NWD2: variants seen among roughly 807,000 people sequenced by gnomAD.
The protein encoded by NWD2 is NACHT and WD repeat domain-containing protein 2.
NWD2 carries 37 observed loss-of-function variants against 132.7 expected under a neutral mutation model. That is an observed-to-expected ratio of 0.28 (90% CI 0.21 to 0.37). NWD2 has a LOEUF of 0.37. NWD2 is among the 10% of genes least tolerant of loss of function. The pLI, the probability that NWD2 is intolerant of heterozygous loss-of-function variation, is 1.00. For missense variants in NWD2, 1,592 were observed against 2,122.4 expected, an observed-to-expected ratio of 0.75 and a Z score of 4.91; for synonymous variants, 705 against 803.0, an observed-to-expected ratio of 0.88 and a Z score of 2.06.
At chr4:37,328,265 C>T (rs949515891) in intron 2 of NWD2, among the ~76,000 whole-genome samples, 1 of 152,070 alleles carries the variant, frequency 6.6e-6, no homozygotes, top group African/African-American at 2.4e-5. Flanking sequence ...TATTATTACA[C>T]TTTAAGTTCT....
intron 3 of NWD2, among the ~76,000 whole-genome samples, chr4:37,419,213 C>A (rs559039392): frequency 6.6e-6 from 1 of 152,236 alleles, no homozygotes; most frequent in South Asian, 2.1e-4. Context: ...AAAACTGAAA[C>A]TGGACCCCTT....
chr4:37,276,860 C>T (rs1718026827), intron 1 of NWD2, among the ~76,000 whole-genome samples: 1 of 152,054 alleles, frequency 6.6e-6, no homozygotes, highest in Non-Finnish European at 1.5e-5. Flanking sequence ...TGGAAACCAT[C>T]ATTCTCAGCA....
intron 1 of NWD2, among the ~76,000 whole-genome samples, chr4:37,306,220 CTT>C (rs1718705603): frequency 6.6e-6 from 1 of 152,038 alleles, no homozygotes; most frequent in Non-Finnish European, 1.5e-5. Flanking sequence ...TGAGTCTTCT[CTT>C]TTTATTCTTA....
intron 3 of NWD2, among the ~76,000 whole-genome samples, chr4:37,376,829 A>G (rs1430093703): frequency 2.0e-5 from 3 of 152,138 alleles, no homozygotes; most frequent in Non-Finnish European, 2.9e-5. Flanking sequence ...GTTTTGCATG[A>G]CCTTATTATT....
chr4:37,339,954 G>GT (rs3028269), intron 2 of NWD2, among the ~76,000 whole-genome samples: 5,885 of 126,532 alleles, frequency 0.047, 173 homozygotes, highest in East Asian at 0.14. Context: ...GTTTCTGGTT[G>GT]TTTTTTTTTT....
At chr4:37,317,254 G>T (rs1333142518) in intron 1 of NWD2, among the ~76,000 whole-genome samples, 1 of 152,192 alleles carries the variant, frequency 6.6e-6, no homozygotes, top group Non-Finnish European at 1.5e-5. Flanking sequence ...AGTCAGCCAG[G>T]AATGTGTAAA....
At chr4:37,340,632 TG>T (rs1719501553) in intron 2 of NWD2, among the ~76,000 whole-genome samples, 1 of 152,174 alleles carries the variant, frequency 6.6e-6, no homozygotes, top group Non-Finnish European at 1.5e-5. Context: ...AGAAGGCCTG[TG>T]GAGGAGTTGA....
Position 37,443,835 on chromosome 4 carries a change from C to T in NWD2, c.1847C>T (p.Thr616Ile). Residue 616 changes from threonine (T) to isoleucine (I), a missense_variant, in exon 7 of 7, where the codon ACC becomes ATC. By Grantham distance (89) the Thr-to-Ile change is moderately conservative. This residue lies in a region of NWD2 where 1,071 missense variants were observed against 1,398.0 expected (regional missense o/e 0.77). Coordinates refer to ENST00000309447, the MANE Select transcript of NWD2 (RefSeq NM_001144990.2). This position sits in a 1 kb window ranked among gnomAD's most constrained non-coding sequence, Gnocchi z 4.1. Reference protein sequence around the residue: ...KCTLPMFVNLTFREVRHWRSH... With the variant: ...KCTLPMFVNLIFREVRHWRSH... ...ACACTGCCAATGTTTGTGAACCTGA[C>T]CTTCAGGGAGGTGAGGCACTGGAGA... is the stretch of plus-strand genomic sequence containing the variant. The T allele has an allele frequency of 6.4e-7, 1 of 1,552,156 alleles. No individual in the cohort carries two copies. Among genetic ancestry groups the T allele is most frequent in the Non-Finnish European group, 8.7e-7 (1 of 1,147,092 alleles).
intron 2 of NWD2, among the ~76,000 whole-genome samples, chr4:37,340,389 C>G (rs1158916464): frequency 6.6e-6 from 1 of 152,204 alleles, no homozygotes; most frequent in Non-Finnish European, 1.5e-5. Context: ...GGTAGTTTCT[C>G]CCCTGAGCCT....
chr4:37,415,149 A>G (rs1318061017), intron 3 of NWD2, among the ~76,000 whole-genome samples: 2 of 152,230 alleles, frequency 1.3e-5, no homozygotes, highest in Non-Finnish European at 2.9e-5. Context: ...AAAGGGATAA[A>G]TGGGCTATTT....
intron 3 of NWD2, among the ~76,000 whole-genome samples, chr4:37,372,641 A>G (rs1720252435): frequency 6.6e-6 from 1 of 152,190 alleles, no homozygotes; most frequent in African/African-American, 2.4e-5. Flanking sequence ...TTGTTTTCAT[A>G]TATATCAAGG....
In NWD2 at chr4:37,443,702, C is replaced by T. The variant is rs1712548872; in HGVS notation, c.1714C>T (p.Arg572Ter). The change falls in exon 7 of 7, where the codon CGA (arginine) becomes TGA (stop). Residue 572 changes from arginine (R) to a stop codon, truncating the protein, a stop_gained. Coordinates refer to ENST00000309447, the MANE Select transcript of NWD2 (RefSeq NM_001144990.2). LOFTEE classifies it high-confidence loss of function. This position sits in a 1 kb window ranked among gnomAD's most constrained non-coding sequence, Gnocchi z 4.1. ...EEDNYIELIP[R>*]DRKMCSQVLK... ...AGACAACTACATCGAGCTGATTCCC[C>T]GAGACAGGAAGATGTGCAGCCAGGT... 3.9e-6 allele frequency: 6 copies of T among 1,551,866 alleles called. No individual in the cohort carries two copies. Among genetic ancestry groups the T allele is most frequent in the African/African-American group, 1.4e-5 (1 of 72,988 alleles).
chr4:37,350,116 G>A (rs1719730054), intron 2 of NWD2, among the ~76,000 whole-genome samples: 2 of 152,130 alleles, frequency 1.3e-5, no homozygotes, highest in Admixed American at 6.5e-5. Context: ...AAGTCAGGTA[G>A]TGCAATGCCT....
At chr4:37,325,821 C>T (rs1719162090) in intron 1 of NWD2, 115 bp from the exon 2 acceptor site, 3 of 620,200 alleles carry the variant, frequency 4.8e-6, no homozygotes, top group Non-Finnish European at 8.5e-6. Flanking sequence ...TTTCACAATC[C>T]AGCACCTCAA....
chr4:37,377,652 A>G (rs1038755138), intron 3 of NWD2, among the ~76,000 whole-genome samples: 1 of 152,116 alleles, frequency 6.6e-6, no homozygotes, highest in African/African-American at 2.4e-5. Context: ...AATCGCTTGA[A>G]CCCAGGAGGC....
chr4:37,332,223 C>A (rs1186234416), intron 2 of NWD2, among the ~76,000 whole-genome samples: 1 of 151,858 alleles, frequency 6.6e-6, no homozygotes, highest in Non-Finnish European at 1.5e-5. Context: ...GGAGTGCTTG[C>A]ACTACCCCTC....
At chr4:37,337,324 C>T (rs755668595) in intron 2 of NWD2, among the ~76,000 whole-genome samples, 1 of 152,206 alleles carries the variant, frequency 6.6e-6, no homozygotes, top group South Asian at 2.1e-4. Context: ...TGCCCAAACA[C>T]GCCTTTGCAA....
intron 1 of NWD2, among the ~76,000 whole-genome samples, chr4:37,294,135 T>G (rs115358038): frequency 6.6e-6 from 1 of 152,046 alleles, no homozygotes; most frequent in Non-Finnish European, 1.5e-5. Context: ...AACCACAGAG[T>G]TGATGCAATA....
chr4:37,316,347 G>A (rs35660048), intron 1 of NWD2, among the ~76,000 whole-genome samples: 27,506 of 151,798 alleles, frequency 0.18, 2,749 homozygotes, highest in Non-Finnish European at 0.22. Flanking sequence ...TGAGAAGTCA[G>A]CTATTAATTG....
Sources: allele counts gnomAD v4.1 joint callset (sites outside exome capture counted in the v4.1 genomes callset), GRCh38; gene constraint gnomAD v4.1.1; regional missense constraint gnomAD v4.1.1; non-coding constraint Gnocchi (gnomAD v3.1); transcripts MANE v1.5; gene names NCBI Gene and HGNC (gene_info 2026-07-23, HGNC 2026-07-21).